The following FMN2 variants were observed in gnomAD, a reference collection of about 807,000 sequenced individuals.
FMN2 encodes formin 2.
Under a neutral mutation model 142.3 loss-of-function variants are expected in FMN2, and 51 were observed. The observed-to-expected ratio is 0.36, with a 90% CI of 0.29 to 0.45. The LOEUF (loss-of-function observed/expected upper bound fraction) is 0.45. Ranked by LOEUF, FMN2 falls within the 20% of genes least tolerant of loss-of-function variation. The probability of loss-of-function intolerance (pLI) is 1.00; values close to 1 mark genes in which losing one functional copy is unlikely to be tolerated. For synonymous variants in FMN2, 882 were observed against 869.8 expected, an observed-to-expected ratio of 1.01 and a Z score of -0.25; for missense variants, 1,936 against 2,122.8, an observed-to-expected ratio of 0.91 and a Z score of 1.73.
intron 6 of FMN2, among the ~76,000 whole-genome samples, chr1:240,237,384 C>A (rs1225130791): frequency 6.6e-6 from 1 of 152,114 alleles, no homozygotes; most frequent in Non-Finnish European, 1.5e-5. Context: ...CCAGCTTGCC[C>A]CTTTGCACAG....
At chr1:240,295,237 T>C (rs1669934718) in intron 8 of FMN2, among the ~76,000 whole-genome samples, 4 of 149,748 alleles carry the variant, frequency 2.7e-5, no homozygotes, top group Admixed American at 2.7e-4. Flanking sequence ...CACACACACT[T>C]AAAATTTTAA....
At chr1:240,420,899 T>C (rs1178353417) in intron 15 of FMN2, among the ~76,000 whole-genome samples, 1 of 152,132 alleles carries the variant, frequency 6.6e-6, no homozygotes, top group Non-Finnish European at 1.5e-5. Flanking sequence ...TTGGATTTAT[T>C]TGGAAAAACA....
intron 15 of FMN2, among the ~76,000 whole-genome samples, chr1:240,402,969 AAG>A (rs1674039588): frequency 6.6e-6 from 1 of 152,224 alleles, no homozygotes; most frequent in African/African-American, 2.4e-5. Flanking sequence ...GACGTAGAAA[AAG>A]AAAAGGTTTT....
chr1:240,394,406 G>C (rs1673704422), intron 15 of FMN2, among the ~76,000 whole-genome samples: 1 of 152,174 alleles, frequency 6.6e-6, no homozygotes, highest in South Asian at 2.1e-4. Context: ...TGTGAAGGCT[G>C]AAATAGGTGA....
chr1:240,325,136 C>T (rs1426796519), intron 8 of FMN2, among the ~76,000 whole-genome samples: 2 of 151,706 alleles, frequency 1.3e-5, no homozygotes, highest in Non-Finnish European at 2.9e-5. Flanking sequence ...GGCAGGCAAA[C>T]AGCTTGAGCC....
At position 240,143,776 on chromosome 1, in the gene FMN2, T is replaced by C. The variant is rs1663298604; in HGVS notation, c.1782+20431T>C. ...TGATGGTCTGAAGGATAGTGGAAGTTACATCTCCATTGCAGGACCCCACTG... is the reference window on the plus strand; with the variant it reads ...TGATGGTCTGAAGGATAGTGGAAGTCACATCTCCATTGCAGGACCCCACTG... On this transcript the variant is annotated intron_variant, in intron 2 of 17. Transcript: ENST00000319653. 10 of 1,512,236 alleles carry C rather than the reference T, an allele frequency of 6.6e-6. No individual in the cohort carries two copies. In the South Asian group the frequency reaches 9.0e-5, roughly 14 times the overall value. 93.7% of individuals were successfully genotyped at this position (1,512,236 alleles called of 1,614,324 possible).
chr1:240,151,347 T>G (rs1663764146), intron 2 of FMN2, among the ~76,000 whole-genome samples: 1 of 152,156 alleles, frequency 6.6e-6, no homozygotes, highest in Non-Finnish European at 1.5e-5. Flanking sequence ...TTCCAGCCTG[T>G]TTCCTGTGCT....
intron 2 of FMN2, among the ~76,000 whole-genome samples, chr1:240,177,286 C>A (rs1441601572): frequency 6.6e-6 from 1 of 151,856 alleles, no homozygotes; most frequent in African/African-American, 2.4e-5. Context: ...GTACTAGCTG[C>A]TTTCTCATTC....
intron 7 of FMN2, among the ~76,000 whole-genome samples, chr1:240,271,809 CT>C (rs1471126326): frequency 6.6e-6 from 1 of 151,958 alleles, no homozygotes; most frequent in Non-Finnish European, 1.5e-5. Flanking sequence ...TTACCTAGAG[CT>C]TTTTATAAAA....
intron 2 of FMN2, among the ~76,000 whole-genome samples, chr1:240,173,156 G>A (rs1374373101): frequency 2.6e-5 from 4 of 152,062 alleles, no homozygotes; most frequent in Non-Finnish European, 5.9e-5. Flanking sequence ...GGCTGGTCTC[G>A]AACTCCTGAT....
chr1:240,392,771 A>T lies in FMN2; in HGVS notation c.4910+209A>T, dbSNP rs896313478. Among the ~76,000 whole-genome samples the T allele has an allele frequency of 1.2e-4, 18 of 152,320 alleles. No individual in the cohort carries two copies. In the East Asian group the frequency reaches 3.3e-3, roughly 28 times the overall value. On this transcript the variant is annotated intron_variant, in intron 15 of 17. Transcript: ENST00000319653. ...ATATAATTCTGTTAAATACCAAATT[A>T]TTGTGAATAGCTTAGCATCTTCTCT... is the stretch of plus-strand genomic sequence containing the variant.
In FMN2 at chr1:240,396,305, TGTGTGTGTG is replaced by T. The variant is rs1673773283; in HGVS notation, c.4910+3744_4910+3752del. On this transcript the variant is annotated intron_variant, in intron 15 of 17. Coordinates refer to ENST00000319653, the MANE Select transcript of FMN2 (RefSeq NM_020066.5). ...ACCCACAATATCTCCGAGGTTTTCGTGTGTGTGTGTGTGTGTGTGTGTGTGTGTGTGTGT... is the reference window on the plus strand; with the variant it reads ...ACCCACAATATCTCCGAGGTTTTCGTTGTGTGTGTGTGTGTGTGTGTGTGT... Among the ~76,000 whole-genome samples, 38 of 94,490 alleles carry T rather than the reference TGTGTGTGTG, an allele frequency of 4.0e-4. 1 individual carries two copies. The South Asian group carries it at 8.2e-3, about 20-fold the overall frequency. The allele number at this position is 94,490 out of a possible 152,430, so 62.0% of individuals were successfully genotyped here. A position where few individuals can be genotyped will look rare whatever the true frequency, so the allele number is the denominator to read the frequency against.
At chr1:240,444,174 C>A (rs1391096258) in intron 16 of FMN2, among the ~76,000 whole-genome samples, 1 of 152,130 alleles carries the variant, frequency 6.6e-6, no homozygotes, top group Admixed American at 6.5e-5. Context: ...TTCACTCATT[C>A]CATATGGAGT....
At chr1:240,194,117 C>A (rs1178053834) in intron 4 of FMN2, among the ~76,000 whole-genome samples, 1 of 74,616 alleles carries the variant, frequency 1.3e-5, no homozygotes, top group African/African-American at 7.7e-5. Context: ...ATACATGTTT[C>A]TTCTGCACTC....
intron 16 of FMN2, among the ~76,000 whole-genome samples, chr1:240,462,163 A>C (rs535601874): frequency 5.1e-4 from 78 of 152,286 alleles, no homozygotes; most frequent in Admixed American, 2.4e-3. Context: ...TGGTCCACAG[A>C]TATCCCATGA....
At chr1:240,451,648 G>GTC (rs147865161) in intron 16 of FMN2, among the ~76,000 whole-genome samples, 1 of 152,136 alleles carries the variant, frequency 6.6e-6, no homozygotes, top group African/African-American at 2.4e-5. Flanking sequence ...GATGACCTCT[G>GTC]TCTCCACTAA....
intron 16 of FMN2, among the ~76,000 whole-genome samples, chr1:240,440,491 TC>T (rs199730677): frequency 6.8e-6 from 1 of 147,378 alleles, no homozygotes; most frequent in East Asian, 2.2e-4. Flanking sequence ...ATCAGCTAGA[TC>T]CATTTTTTTT....
chr1:240,281,704 C>A (rs1404193457), intron 7 of FMN2, among the ~76,000 whole-genome samples: 1 of 151,772 alleles, frequency 6.6e-6, no homozygotes, highest in African/African-American at 2.4e-5. Flanking sequence ...ATTTAATTAG[C>A]AAAATTTAAA....
chr1:240,351,560 G>A (rs933278217), intron 13 of FMN2, among the ~76,000 whole-genome samples: 1 of 152,182 alleles, frequency 6.6e-6, no homozygotes, highest in Non-Finnish European at 1.5e-5. Context: ...TACAAATACA[G>A]TTCATATGAA....
Sources: gnomAD v4.1 joint callset for allele counts (sites outside exome capture counted in the v4.1 genomes callset) on GRCh38, gnomAD v4.1.1 for gene constraint, MANE v1.5 for transcripts, NCBI Gene and HGNC (gene_info 2026-07-23, HGNC 2026-07-21) for gene names.